Variants in TLK2 observed in about 807,000 individuals in gnomAD.
TLK2 encodes serine/threonine-protein kinase tousled-like 2.
A neutral mutation model predicts 117.3 loss-of-function variants in TLK2; 6 were observed. That is an observed-to-expected ratio of 0.05 (90% CI 0.03 to 0.10). TLK2 has a LOEUF of 0.10. Ranked by LOEUF, TLK2 falls within the 10% of genes least tolerant of loss-of-function variation. TLK2 has a pLI of 1.00. For synonymous variants in TLK2, 257 were observed against 316.7 expected, an observed-to-expected ratio of 0.81 and a Z score of 2.00; for missense variants, 299 against 901.2, an observed-to-expected ratio of 0.33 and a Z score of 8.56.
intron 2 of TLK2, among the ~76,000 whole-genome samples, chr17:62,520,126 G>A (rs1402089113): frequency 6.6e-6 from 1 of 152,158 alleles, no homozygotes; most frequent in Non-Finnish European, 1.5e-5. Flanking sequence ...GAGGGTATGG[G>A]GCAGGTCAGC....
At chr17:62,536,614 T>C (rs969826100) in intron 7 of TLK2, among the ~76,000 whole-genome samples, 1 of 152,086 alleles carries the variant, frequency 6.6e-6, no homozygotes, top group East Asian at 1.9e-4. Flanking sequence ...TAATCTTAGA[T>C]TGACAAAGAA....
At chr17:62,490,311 A>G (rs372841455) in intron 2 of TLK2, among the ~76,000 whole-genome samples, 4 of 152,156 alleles carry the variant, frequency 2.6e-5, no homozygotes, top group African/African-American at 7.2e-5. Context: ...CTTGTGACCT[A>G]TCTTCCACTT....
rs2083977358 is a variant in TLK2, at chr17:62,614,210, TTTC to T, written c.*1647_*1649del. The T allele has an allele frequency of 6.6e-6, 1 of 152,028 alleles. No homozygotes were observed. The highest frequency in any genetic ancestry group is 1.5e-5 in the Non-Finnish European group (1 of 68,026). 9.4% of individuals were successfully genotyped at this position (152,028 alleles called of 1,614,324 possible). On this transcript the variant is annotated 3_prime_UTR_variant, in exon 22 of 22. Coordinates refer to ENST00000346027, the MANE Select transcript of TLK2 (RefSeq NM_006852.6). ...CCAATTTTCTTTTTTAATTTGGTTG[TTTC>T]TGAGATGTATGATCAACTGAAGATG...
chr17:62,536,898 T>C (rs1247576988), intron 7 of TLK2, among the ~76,000 whole-genome samples: 2 of 152,208 alleles, frequency 1.3e-5, no homozygotes, highest in African/African-American at 4.8e-5. Flanking sequence ...TCTTTCTCTA[T>C]CTTTGAAGAA....
intron 6 of TLK2, among the ~76,000 whole-genome samples, chr17:62,526,309 G>A (rs979694193): frequency 2.6e-5 from 4 of 152,146 alleles, no homozygotes; most frequent in Non-Finnish European, 4.4e-5. Flanking sequence ...CAGTCCTACT[G>A]TATTTCTACT....
intron 2 of TLK2, among the ~76,000 whole-genome samples, chr17:62,498,359 A>T (rs149638138): frequency 0.024 from 3,695 of 152,058 alleles, 142 homozygotes; most frequent in African/African-American, 0.084. Context: ...AGTTAACTTA[A>T]ACATAGTTGA....
chr17:62,558,801 C>A (rs2079044537), intron 9 of TLK2, among the ~76,000 whole-genome samples: 1 of 152,044 alleles, frequency 6.6e-6, no homozygotes, highest in African/African-American at 2.4e-5. Context: ...AGCTGTTTCT[C>A]ATGGGTTACT....
At chr17:62,586,073 C>T in intron 15 of TLK2, 62 bp from the exon 16 acceptor site, 1 of 1,247,682 alleles carries the variant, frequency 8.0e-7, no homozygotes, top group Non-Finnish European at 1.1e-6. Flanking sequence ...ATTAAAGCTT[C>T]ACATCAGTTA....
In TLK2 at chr17:62,549,419, A is replaced by AAAAAAAAAAAAAAAAAAAAAAAAAAAAGT. The variant is rs1598512362; in HGVS notation, c.532-2865_532-2864insAAAAAAAAAGTAAAAAAAAAAAAAAAAAA. Among the ~76,000 whole-genome samples the AAAAAAAAAAAAAAAAAAAAAAAAAAAAGT allele has an allele frequency of 1.0e-3, 8 of 7,758 alleles. 1 individual carries two copies. The highest frequency in any genetic ancestry group is 1.9e-3 in the Non-Finnish European group (4 of 2,092). The allele number at this position is 7,758 out of a possible 152,430, so 5.1% of individuals were successfully genotyped here. A position where few individuals can be genotyped will look rare whatever the true frequency, so the allele number is the denominator to read the frequency against. On this transcript the variant is annotated intron_variant, in intron 7 of 21. Coordinates refer to ENST00000346027, the MANE Select transcript of TLK2 (RefSeq NM_006852.6). The stretch of plus-strand genomic sequence containing the variant: ...ATCTCAAAAAAAAAAAAAAAAAAAA[A>AAAAAAAAAAAAAAAAAAAAAAAAAAAAGT]AAAAAAAAAAAAAAAAAATAGAAAC...
chr17:62,573,157 A>G (rs1007871614), intron 11 of TLK2, 58 bp from the exon 12 acceptor site: 1 of 1,541,722 alleles, frequency 6.5e-7, no homozygotes, highest in South Asian at 1.2e-5. Flanking sequence ...TGTGTGTTCC[A>G]TAGCTGTGGT....
intron 1 of TLK2, among the ~76,000 whole-genome samples, 192 bp downstream of exon 1, chr17:62,479,482 G>A (rs1488192997): frequency 6.6e-6 from 1 of 152,084 alleles, no homozygotes; most frequent in African/African-American, 2.4e-5. Context: ...CAGAAGATGG[G>A]GGAGGCCCAG....
chr17:62,557,282 C>T (rs1450312187), intron 9 of TLK2, among the ~76,000 whole-genome samples: 1 of 152,014 alleles, frequency 6.6e-6, no homozygotes, highest in Admixed American at 6.6e-5. Context: ...ACTTTCTTAC[C>T]CCATCTTGTA....
intron 2 of TLK2, among the ~76,000 whole-genome samples, chr17:62,518,244 T>C (rs1476586728): frequency 6.6e-6 from 1 of 152,212 alleles, no homozygotes; most frequent in African/African-American, 2.4e-5. Context: ...ATTAGAGGTG[T>C]TACCATGAAA....
intron 6 of TLK2, among the ~76,000 whole-genome samples, chr17:62,534,113 CAAGT>C: frequency 6.6e-6 from 1 of 152,204 alleles, no homozygotes; most frequent in South Asian, 2.1e-4. Flanking sequence ...ACTATCCGGT[CAAGT>C]TTCCCTGATA....
chr17:62,472,732 C>T (rs1178017559), intron 1 of TLK2, among the ~76,000 whole-genome samples: 2 of 147,554 alleles, frequency 1.4e-5, no homozygotes, highest in African/African-American at 5.0e-5. Context: ...AGCAAGACCC[C>T]GTCTCAAAAA....
intron 1 of TLK2, among the ~76,000 whole-genome samples, chr17:62,471,912 T>TTTTTTTTTTTA (rs2070948694): frequency 7.5e-6 from 1 of 134,132 alleles, no homozygotes; most frequent in South Asian, 2.5e-4. Context: ...TTTTTTTTTT[T>TTTTTTTTTTTA]TTTTTAGACA....
chr17:62,488,499 G>A (rs190914020), intron 2 of TLK2, among the ~76,000 whole-genome samples: 24 of 152,180 alleles, frequency 1.6e-4, no homozygotes, highest in Middle Eastern at 3.4e-3. Context: ...CTGAGAAATG[G>A]CCTATACTTA....
intron 2 of TLK2, among the ~76,000 whole-genome samples, chr17:62,514,050 A>AT (rs1232336251): frequency 6.6e-6 from 1 of 152,132 alleles, no homozygotes; most frequent in Non-Finnish European, 1.5e-5. Context: ...TTGCCTGTAA[A>AT]GTGCTACATT....
intron 2 of TLK2, among the ~76,000 whole-genome samples, chr17:62,490,216 CCTT>C (rs1017045207): frequency 5.9e-5 from 9 of 152,184 alleles, no homozygotes; most frequent in Non-Finnish European, 1.5e-5. Context: ...ATATACTAGA[CCTT>C]CTCATTGTGT....
Sources: allele counts gnomAD v4.1 joint callset (sites outside exome capture counted in the v4.1 genomes callset), GRCh38; gene constraint gnomAD v4.1.1; transcripts MANE v1.5; gene names NCBI Gene and HGNC (gene_info 2026-07-23, HGNC 2026-07-21).